Variants in GRK5 observed in about 807,000 individuals in gnomAD.
GRK5 encodes G protein-coupled receptor kinase 5, also known as g protein-coupled receptor kinase GRK5.
Under a neutral mutation model 78.4 loss-of-function variants are expected in GRK5, and 40 were observed. The ratio of observed to expected loss-of-function variants is 0.51; its 90% CI spans 0.40 to 0.66. The LOEUF (loss-of-function observed/expected upper bound fraction) is 0.66, where lower values mean the gene tolerates loss of function less well. Among genes scored for constraint, GRK5 ranks in the 30% least tolerant of loss-of-function variants. GRK5 has a pLI of 0.00. For missense variants in GRK5, 598 were observed against 759.9 expected, an observed-to-expected ratio of 0.79 and a Z score of 2.50; for synonymous variants, 289 against 296.8, an observed-to-expected ratio of 0.97 and a Z score of 0.27.
chr10:119,307,052 G>A (rs947755485), intron 1 of GRK5, among the ~76,000 whole-genome samples: 1 of 152,130 alleles, frequency 6.6e-6, no homozygotes, highest in Non-Finnish European at 1.5e-5. Context: ...TTCTGAGTTA[G>A]GTGGAGAGTA....
At chr10:119,440,552 ATTT>A (rs35117721) in intron 10 of GRK5, among the ~76,000 whole-genome samples, 6 of 137,378 alleles carry the variant, frequency 4.4e-5, no homozygotes, top group Admixed American at 7.3e-5. Context: ...TAGTTTTTGT[ATTT>A]TTTTTTTTTT....
At chr10:119,375,752 G>A (rs1023209327) in intron 2 of GRK5, among the ~76,000 whole-genome samples, 3 of 152,164 alleles carry the variant, frequency 2.0e-5, no homozygotes, top group Admixed American at 1.3e-4. Flanking sequence ...TGGGCATGCC[G>A]GGGAGGTGGG....
At chr10:119,401,683 C>T (rs1852153307) in intron 4 of GRK5, among the ~76,000 whole-genome samples, 1 of 152,240 alleles carries the variant, frequency 6.6e-6, no homozygotes, top group African/African-American at 2.4e-5. Context: ...AGCAGCAGTG[C>T]TTGTCATCTG....
chr10:119,451,790 AG>A (rs1407515231), intron 13 of GRK5, among the ~76,000 whole-genome samples: 1 of 152,260 alleles, frequency 6.6e-6, no homozygotes, highest in Non-Finnish European at 1.5e-5. Flanking sequence ...GACCATTGCT[AG>A]AACCTTCCTG....
At chr10:119,372,554 G>T (rs754424638) in intron 2 of GRK5, among the ~76,000 whole-genome samples, 2 of 152,212 alleles carry the variant, frequency 1.3e-5, no homozygotes, top group Non-Finnish European at 2.9e-5. Flanking sequence ...TAACTTAAGG[G>T]TTAGAGGAAG....
chr10:119,459,203 T>C lies in GRK5; in HGVS notation c.*4136T>C, dbSNP rs1005500884. ...TCTTCCTGATCACAATAGACCACGATTGCAAAGCCTCCTCTCCCAGAGACC... is the reference window on the plus strand; with the variant it reads ...TCTTCCTGATCACAATAGACCACGACTGCAAAGCCTCCTCTCCCAGAGACC... On this transcript the variant is annotated 3_prime_UTR_variant, in exon 16 of 16. Coordinates refer to ENST00000392870, the MANE Select transcript of GRK5 (RefSeq NM_005308.3). 5 of 152,248 alleles carry C rather than the reference T, an allele frequency of 3.3e-5. No homozygotes were observed. The highest frequency in any genetic ancestry group is 4.8e-5 in the African/African-American group (2 of 41,460). 9.4% of individuals were successfully genotyped at this position (152,248 alleles called of 1,614,324 possible).
intron 2 of GRK5, among the ~76,000 whole-genome samples, chr10:119,335,552 A>G (rs1449441342): frequency 6.6e-6 from 1 of 152,188 alleles, no homozygotes; most frequent in Non-Finnish European, 1.5e-5. Flanking sequence ...TAGTAGAGAC[A>G]GGGTTTCACC....
chr10:119,370,855 C>T (rs1030577099), intron 2 of GRK5, among the ~76,000 whole-genome samples: 8 of 151,884 alleles, frequency 5.3e-5, no homozygotes, highest in African/African-American at 1.9e-4. Flanking sequence ...CCTTCTCTGC[C>T]ACAGCCCCCC....
At chr10:119,313,082 G>GGCA (rs1564887100) in intron 1 of GRK5, among the ~76,000 whole-genome samples, 19 of 150,550 alleles carry the variant, frequency 1.3e-4, no homozygotes, top group East Asian at 9.8e-4. Context: ...TGGTGGTGGT[G>GGCA]GTGGTGATGG....
chr10:119,361,302 C>G (rs749246554), intron 2 of GRK5, among the ~76,000 whole-genome samples: 3 of 152,216 alleles, frequency 2.0e-5, no homozygotes, highest in Non-Finnish European at 4.4e-5. Flanking sequence ...CCCCACCCCA[C>G]TTGGATGTCT....
At chr10:119,296,206 G>A (rs75994633) in intron 1 of GRK5, among the ~76,000 whole-genome samples, 17,268 of 152,138 alleles carry the variant, frequency 0.11, 1,033 homozygotes, top group Middle Eastern at 0.18. Flanking sequence ...AAATGGCTGC[G>A]ACAGTTCCAG....
At chr10:119,261,969 A>G (rs904664009) in intron 1 of GRK5, among the ~76,000 whole-genome samples, 4 of 152,268 alleles carry the variant, frequency 2.6e-5, no homozygotes, top group Admixed American at 2.6e-4. Context: ...AAAATGGGAA[A>G]TATCAGTATT....
intron 1 of GRK5, among the ~76,000 whole-genome samples, chr10:119,325,596 A>G (rs1420020925): frequency 6.6e-6 from 1 of 152,094 alleles, no homozygotes; most frequent in Non-Finnish European, 1.5e-5. Context: ...AAGGGTGGAG[A>G]GTGGGTGACG....
chr10:119,259,560 T>G (rs1849339802), intron 1 of GRK5, among the ~76,000 whole-genome samples: 1 of 152,228 alleles, frequency 6.6e-6, no homozygotes, highest in Admixed American at 6.5e-5. Context: ...AGTCATCTGG[T>G]AGGCACACCA....
intron 4 of GRK5, among the ~76,000 whole-genome samples, chr10:119,402,790 G>A (rs949033483): frequency 6.6e-6 from 1 of 152,196 alleles, no homozygotes; most frequent in Admixed American, 6.5e-5. Flanking sequence ...GGACGGGGAG[G>A]TTGCAGTGAG....
chr10:119,340,771 G>A (rs373918263), intron 2 of GRK5, among the ~76,000 whole-genome samples: 1 of 152,180 alleles, frequency 6.6e-6, no homozygotes, highest in African/African-American at 2.4e-5. Context: ...TGATTTGCTC[G>A]TCTTTAAAAT....
At chr10:119,383,937 G>A (rs1851752727) in intron 3 of GRK5, among the ~76,000 whole-genome samples, 1 of 152,170 alleles carries the variant, frequency 6.6e-6, no homozygotes, top group South Asian at 2.1e-4. Flanking sequence ...ATTTTTCAAA[G>A]CTCCCAGGGG....
intron 15 of GRK5, among the ~76,000 whole-genome samples, chr10:119,454,613 C>T (rs926981698): frequency 3.7e-4 from 57 of 152,316 alleles, no homozygotes; most frequent in African/African-American, 1.2e-3. Context: ...GCTCTTCTCC[C>T]GTGTTACAGG....
chr10:119,348,437 A>G (rs1564900405), intron 2 of GRK5, among the ~76,000 whole-genome samples: 1 of 152,236 alleles, frequency 6.6e-6, no homozygotes, highest in African/African-American at 2.4e-5. Flanking sequence ...GGGGAGAAGA[A>G]GCTCCCTGCT....
Sources: gnomAD v4.1 joint callset for allele counts (sites outside exome capture counted in the v4.1 genomes callset) on GRCh38, gnomAD v4.1.1 for gene constraint, MANE v1.5 for transcripts, NCBI Gene and HGNC (gene_info 2026-07-23, HGNC 2026-07-21) for gene names.